Variants in CTNND2 observed in about 807,000 individuals in gnomAD.
The protein encoded by CTNND2 is catenin delta-2.
In CTNND2, 22 loss-of-function variants were observed where a neutral mutation model predicts 144.4. The ratio of observed to expected loss-of-function variants is 0.15; its 90% CI spans 0.11 to 0.22. The LOEUF (loss-of-function observed/expected upper bound fraction) is 0.22. CTNND2 is among the 10% of genes least tolerant of loss of function. CTNND2 has a pLI of 1.00. For missense variants in CTNND2, 1,353 were observed against 1,618.8 expected, an observed-to-expected ratio of 0.84 and a Z score of 2.82; for synonymous variants, 751 against 695.6, an observed-to-expected ratio of 1.08 and a Z score of -1.25.
intron 10 of CTNND2, among the ~76,000 whole-genome samples, chr5:11,217,412 T>C (rs1580615493): frequency 6.6e-6 from 1 of 152,314 alleles, no homozygotes; most frequent in East Asian, 1.9e-4. Context: ...CTTGTGCTCT[T>C]GTCTGCAACT....
chr5:11,183,712 C>T lies in CTNND2; in HGVS notation c.1975+15736G>A, dbSNP rs140929118. Among the ~76,000 whole-genome samples, 126 of 152,140 alleles carry T rather than the reference C, an allele frequency of 8.3e-4. 1 individual carries two copies. The East Asian group carries it at 0.021, about 25-fold the overall frequency. On this transcript the variant is annotated intron_variant, in intron 11 of 21. Coordinates refer to ENST00000304623, the MANE Select transcript of CTNND2 (RefSeq NM_001332.4). Reference sequence around the variant, plus strand: ...AGCTGAGATTACAGGTGCCTGCCACCGTGCCTGGCTAATTTTTTGTATTTT... The same window carrying T: ...AGCTGAGATTACAGGTGCCTGCCACTGTGCCTGGCTAATTTTTTGTATTTT...
chr5:11,270,887 T>C lies in CTNND2; in HGVS notation c.1629-34064A>G, dbSNP rs1240092163. Among the ~76,000 whole-genome samples, 3 of 152,330 alleles carry C rather than the reference T, an allele frequency of 2.0e-5. No homozygotes were observed. In the East Asian group the frequency reaches 5.8e-4, roughly 29 times the overall value. On this transcript the variant is annotated intron_variant, in intron 9 of 21. Transcript: ENST00000304623. ...TGCCACGTGGAACCAAACATGAAAGTATTTATTGAAATTAGATTGTATGAA... is the reference window on the plus strand; with the variant it reads ...TGCCACGTGGAACCAAACATGAAAGCATTTATTGAAATTAGATTGTATGAA...
intron 12 of CTNND2, among the ~76,000 whole-genome samples, chr5:11,153,510 T>C (rs1757940348): frequency 6.6e-6 from 1 of 152,224 alleles, no homozygotes; most frequent in Non-Finnish European, 1.5e-5. Context: ...TGGAGCTTTG[T>C]AGCCAGAGTG....
chr5:11,348,783 C>T (rs560211412), intron 8 of CTNND2, among the ~76,000 whole-genome samples: 2 of 151,994 alleles, frequency 1.3e-5, no homozygotes, highest in East Asian at 3.9e-4. Flanking sequence ...AAAAACTCTG[C>T]CAAGCAGCAG....
At chr5:11,181,876 G>A (rs1051066272) in intron 11 of CTNND2, among the ~76,000 whole-genome samples, 10 of 145,244 alleles carry the variant, frequency 6.9e-5, no homozygotes, top group South Asian at 2.2e-4. Context: ...TATGTGTGGC[G>A]TGTGTGCATG....
intron 2 of CTNND2, among the ~76,000 whole-genome samples, chr5:11,593,935 T>C (rs552208178): frequency 1.2e-3 from 186 of 152,244 alleles, no homozygotes; most frequent in Non-Finnish European, 1.8e-3. Context: ...AATTGGCAAG[T>C]ATTGGGTGTT....
chr5:11,724,540 C>T (rs1314061083), intron 2 of CTNND2, among the ~76,000 whole-genome samples: 2 of 152,054 alleles, frequency 1.3e-5, no homozygotes, highest in South Asian at 2.1e-4. Context: ...TTATCTATTT[C>T]GGTGGAGGGT....
At chr5:11,317,754 G>A (rs537975018) in intron 9 of CTNND2, among the ~76,000 whole-genome samples, 18 of 152,086 alleles carry the variant, frequency 1.2e-4, no homozygotes, top group East Asian at 3.9e-4. Context: ...CCTGAGGTTC[G>A]TAGGTCCACA....
intron 3 of CTNND2, among the ~76,000 whole-genome samples, chr5:11,498,917 GT>G (rs1022363396): frequency 2.6e-5 from 4 of 151,338 alleles, no homozygotes; most frequent in East Asian, 1.9e-4. Flanking sequence ...CTGGATGTGT[GT>G]TTTTTTTTAA....
intron 7 of CTNND2, among the ~76,000 whole-genome samples, chr5:11,366,882 T>C (rs1363016633): frequency 6.6e-6 from 1 of 152,226 alleles, no homozygotes; most frequent in Non-Finnish European, 1.5e-5. Context: ...TCTTATTACA[T>C]GCATTTATTT....
At chr5:11,550,861 A>T (rs1264440181) in intron 3 of CTNND2, among the ~76,000 whole-genome samples, 2 of 152,232 alleles carry the variant, frequency 1.3e-5, no homozygotes, top group Non-Finnish European at 2.9e-5. Context: ...ATATTGGATT[A>T]GCCTACCAAA....
At chr5:11,731,774 C>T (rs1049764627) in intron 2 of CTNND2, among the ~76,000 whole-genome samples, 2 of 151,952 alleles carry the variant, frequency 1.3e-5, no homozygotes, top group South Asian at 2.1e-4. Context: ...TTTAACCTCC[C>T]GGATATATTT....
chr5:11,089,855 C>T (rs538537246), intron 15 of CTNND2, among the ~76,000 whole-genome samples: 6 of 152,230 alleles, frequency 3.9e-5, no homozygotes, highest in South Asian at 4.2e-4. Context: ...ACTAAAAATA[C>T]AAAAATTAGC....
intron 15 of CTNND2, among the ~76,000 whole-genome samples, chr5:11,095,694 A>G (rs1751268621): frequency 6.6e-6 from 1 of 152,262 alleles, no homozygotes; most frequent in African/African-American, 2.4e-5. Flanking sequence ...GTATGAATGA[A>G]TGATTAGTGC....
chr5:11,133,124 T>C (rs865913536), intron 12 of CTNND2, among the ~76,000 whole-genome samples: 1 of 152,212 alleles, frequency 6.6e-6, no homozygotes, highest in Middle Eastern at 3.4e-3. Context: ...ATATCGCATA[T>C]GGAGGTAATG....
At chr5:11,635,156 T>C (rs1201619369) in intron 2 of CTNND2, among the ~76,000 whole-genome samples, 5 of 151,892 alleles carry the variant, frequency 3.3e-5, no homozygotes, top group Admixed American at 6.6e-5. Flanking sequence ...GTAAAGAACA[T>C]GGGGCAGTGC....
At chr5:11,166,751 A>G (rs1447155362) in intron 11 of CTNND2, among the ~76,000 whole-genome samples, 1 of 152,140 alleles carries the variant, frequency 6.6e-6, no homozygotes, top group Non-Finnish European at 1.5e-5. Flanking sequence ...GTGTGTGTGC[A>G]TCTGCTATAC....
rs1735675908 is a variant in CTNND2, at chr5:11,877,814, G to T, written c.37+26003C>A. ...ACTATCAAAATCTGAAGGACAAAAA[G>T]ACTTTTCTTTCATTTGGGAAGAAGT... is the stretch of plus-strand genomic sequence containing the variant. On this transcript the variant is annotated intron_variant, in intron 1 of 21. Transcript: ENST00000304623. 3.3e-5 allele frequency among the ~76,000 whole-genome samples: 5 copies of T among 152,096 alleles called. No homozygotes were observed. In the South Asian group the frequency reaches 1.0e-3, roughly 32 times the overall value.
chr5:11,290,055 G>A (rs1000527341), intron 9 of CTNND2, among the ~76,000 whole-genome samples: 6 of 152,122 alleles, frequency 3.9e-5, no homozygotes, highest in African/African-American at 9.7e-5. Context: ...CACATTTTCC[G>A]GAAGACAAGG....
Sources: allele counts gnomAD v4.1 joint callset (sites outside exome capture counted in the v4.1 genomes callset), GRCh38; gene constraint gnomAD v4.1.1; transcripts MANE v1.5; gene names NCBI Gene and HGNC (gene_info 2026-07-23, HGNC 2026-07-21).